Variants in PTPRT observed in about 807,000 individuals in gnomAD.
The protein encoded by PTPRT is receptor-type tyrosine-protein phosphatase T.
Under a neutral mutation model 176.8 loss-of-function variants are expected in PTPRT, and 56 were observed. The observed-to-expected ratio is 0.32, with a 90% CI of 0.26 to 0.40. The LOEUF (loss-of-function observed/expected upper bound fraction) is 0.40. Among genes scored for constraint, PTPRT ranks in the 10% least tolerant of loss-of-function variants. The pLI, the probability that PTPRT is intolerant of heterozygous loss-of-function variation, is 1.00. For missense variants in PTPRT, 1,540 were observed against 1,908.2 expected (o/e 0.81, Z 3.60); for synonymous variants, 783 against 739.0 (o/e 1.06, Z -0.96).
intron 12 of PTPRT, among the ~76,000 whole-genome samples, chr20:42,304,833 C>T (rs973234982): frequency 6.6e-6 from 1 of 152,122 alleles, no homozygotes; most frequent in Admixed American, 6.5e-5. Context: ...GCTTCTTATA[C>T]AAGGATATAT....
intron 9 of PTPRT, among the ~76,000 whole-genome samples, chr20:42,410,211 C>T (rs959382781): frequency 2.6e-5 from 4 of 151,542 alleles, no homozygotes; most frequent in East Asian, 3.9e-4. Context: ...CTGAGGTACT[C>T]AGAAGGAGGA....
intron 13 of PTPRT, among the ~76,000 whole-genome samples, chr20:42,257,636 T>TCCCC (rs1485904252): frequency 2.4e-3 from 16 of 6,660 alleles, no homozygotes; most frequent in African/African-American, 2.4e-3. Flanking sequence ...GTGTAGCACC[T>TCCCC]CCCCCCACCC....
intron 1 of PTPRT, among the ~76,000 whole-genome samples, chr20:42,930,788 A>G (rs906016643): frequency 2.6e-5 from 4 of 152,046 alleles, no homozygotes; most frequent in African/African-American, 4.8e-5. Flanking sequence ...ACCCTCATAC[A>G]TAATTCTTGC....
intron 9 of PTPRT, among the ~76,000 whole-genome samples, chr20:42,421,063 T>G (rs1355998187): frequency 6.6e-6 from 1 of 152,168 alleles, no homozygotes; most frequent in African/African-American, 2.4e-5. Flanking sequence ...TGTTCTTGGT[T>G]GATCCAGAAC....
At chr20:42,749,956 C>T (rs1311110483) in intron 6 of PTPRT, among the ~76,000 whole-genome samples, 2 of 152,074 alleles carry the variant, frequency 1.3e-5, no homozygotes, top group Non-Finnish European at 2.9e-5. Flanking sequence ...TGTTGCCATC[C>T]TAAAATGTAG....
chr20:42,756,754 A>C, intron 5 of PTPRT, 118 bp from the exon 6 acceptor site: 1 of 890,100 alleles, frequency 1.1e-6, no homozygotes, highest in Non-Finnish European at 1.6e-6. Flanking sequence ...TTTCCACTAT[A>C]ATAAGGGATT....
intron 9 of PTPRT, among the ~76,000 whole-genome samples, chr20:42,389,406 T>C (rs1232557846): frequency 2.6e-5 from 4 of 152,210 alleles, no homozygotes; most frequent in Non-Finnish European, 5.9e-5. Context: ...ACATGTTATT[T>C]GTATGATTAC....
At chr20:42,291,429 C>T (rs2057314981) in intron 12 of PTPRT, among the ~76,000 whole-genome samples, 1 of 152,122 alleles carries the variant, frequency 6.6e-6, no homozygotes, top group African/African-American at 2.4e-5. Context: ...AATAAACACA[C>T]ATAGGTATGT....
intron 8 of PTPRT, among the ~76,000 whole-genome samples, chr20:42,460,620 T>C (rs1239487692): frequency 1.3e-5 from 2 of 152,198 alleles, no homozygotes; most frequent in East Asian, 3.9e-4. Flanking sequence ...AGGTAATTAA[T>C]TCATGGGGGC....
chr20:42,153,216 A>G (rs1007853398), intron 17 of PTPRT, among the ~76,000 whole-genome samples: 14 of 152,266 alleles, frequency 9.2e-5, no homozygotes, highest in Admixed American at 3.9e-4. Flanking sequence ...TTCTTTATTT[A>G]TCTTTCTATC....
At chr20:42,132,626 A>G (rs78538695) in intron 18 of PTPRT, among the ~76,000 whole-genome samples, 1,665 of 152,316 alleles carry the variant, frequency 0.011, 19 homozygotes, top group Non-Finnish European at 0.017. Context: ...ATACCACTAC[A>G]TACATATTAG....
chr20:42,115,414 C>G, intron 21 of PTPRT, 99 bp from the exon 22 acceptor site: 1 of 894,654 alleles, frequency 1.1e-6, no homozygotes, highest in South Asian at 1.4e-5. Flanking sequence ...GTCGTCCCAT[C>G]CAAATAAACC....
intron 1 of PTPRT, among the ~76,000 whole-genome samples, chr20:42,941,593 G>A (rs1374509786): frequency 3.3e-5 from 5 of 151,974 alleles, no homozygotes; most frequent in Non-Finnish European, 5.9e-5. Flanking sequence ...AGTTGCTATG[G>A]CTTCTTAACC....
At chr20:42,611,617 T>A (rs1569016670) in intron 7 of PTPRT, among the ~76,000 whole-genome samples, 1 of 152,216 alleles carries the variant, frequency 6.6e-6, no homozygotes, top group Non-Finnish European at 1.5e-5. Flanking sequence ...GTGTTTATCT[T>A]TGTGTTCCAC....
rs1057299737 is a variant in PTPRT, at chr20:43,007,275, G to A, written c.89-121343C>T. ...AACAGCTGAACCTCAGGAACAGAAA[G>A]GTATTTTTTGGTTCTGATTTTTGAT... On this transcript the variant is annotated intron_variant, in intron 1 of 30. Coordinates refer to ENST00000373187, the MANE Select transcript of PTPRT (RefSeq NM_007050.6). Among the ~76,000 whole-genome samples the A allele has an allele frequency of 4.6e-5, 7 of 152,054 alleles. No individual in the cohort carries two copies. The South Asian group carries it at 1.0e-3, about 23-fold the overall frequency.
At chr20:42,059,389 G>C in the PTPRT span, among the ~76,000 whole-genome samples, 1 of 152,190 alleles carries the variant, frequency 6.6e-6, no homozygotes, top group African/African-American at 2.4e-5. Flanking sequence ...TGCAGACTGA[G>C]GGACCTCATA....
At chr20:42,216,566 C>T (rs984902333) in intron 15 of PTPRT, among the ~76,000 whole-genome samples, 27 of 152,188 alleles carry the variant, frequency 1.8e-4, no homozygotes, top group Non-Finnish European at 2.9e-5. Context: ...AATCAAGGTA[C>T]AAAATATACA....
rs187474064 is a variant in PTPRT, at chr20:42,332,270, C to T, written c.1866-16274G>A. ...TGTCACCCAGGCTGGAGCGCAGTGG[C>T]GTAATCTCGGCTCACTGCAAGCTCT... is the stretch of plus-strand genomic sequence containing the variant. On this transcript the variant is annotated intron_variant, in intron 11 of 30. Transcript: ENST00000373187. Among the ~76,000 whole-genome samples, 385 of 152,070 alleles carry T rather than the reference C, an allele frequency of 2.5e-3. 1 individual carries two copies. The highest frequency in any genetic ancestry group is 8.7e-3 in the African/African-American group (363 of 41,510).
chr20:42,887,951 G>A (rs1449107676), intron 1 of PTPRT, among the ~76,000 whole-genome samples: 2 of 152,080 alleles, frequency 1.3e-5, no homozygotes, highest in African/African-American at 2.4e-5. Context: ...TAGGCAAATC[G>A]TTCACCCCTT....
Sources: gnomAD v4.1 joint callset for allele counts (sites outside exome capture counted in the v4.1 genomes callset) on GRCh38, gnomAD v4.1.1 for gene constraint, MANE v1.5 for transcripts, NCBI Gene and HGNC (gene_info 2026-07-23, HGNC 2026-07-21) for gene names.